TNS3: variants seen among roughly 807,000 people sequenced by gnomAD.
The protein encoded by TNS3 is tensin 3, also known as tensin-3.
Under a neutral mutation model 140.9 loss-of-function variants are expected in TNS3, and 45 were observed. The ratio of observed to expected loss-of-function variants is 0.32; its 90% CI spans 0.25 to 0.41. The LOEUF (loss-of-function observed/expected upper bound fraction) is 0.41, where lower values mean the gene tolerates loss of function less well. Ranked by LOEUF, TNS3 falls within the 10% of genes least tolerant of loss-of-function variation. The pLI is 1.00. For synonymous variants in TNS3, 815 were observed against 788.4 expected (o/e 1.03, Z -0.56); for missense variants, 1,716 against 1,906.7 (o/e 0.90, Z 1.86).
At chr7:47,331,220 T>C (rs770308478) in intron 20 of TNS3, among the ~76,000 whole-genome samples, 1 of 152,190 alleles carries the variant, frequency 6.6e-6, no homozygotes, top group Non-Finnish European at 1.5e-5. Context: ...AGCAACAGGC[T>C]CTGCCCCAAT....
At chr7:47,582,202 C>G (rs1341503651), upstream of TNS3, 1 of 151,800 alleles carries the variant, frequency 6.6e-6, no homozygotes, top group African/African-American at 2.4e-5. Context: ...ACGGCCGGCC[C>G]CCGCGCCCGC....
intron 1 of TNS3, among the ~76,000 whole-genome samples, chr7:47,566,137 T>C (rs1042618776): frequency 2.0e-5 from 3 of 152,232 alleles, no homozygotes; most frequent in African/African-American, 2.4e-5. Flanking sequence ...AGAACTGGCA[T>C]TCCTAACAGT....
At chr7:47,572,598 G>C (rs1024929508) in intron 1 of TNS3, among the ~76,000 whole-genome samples, 3 of 152,288 alleles carry the variant, frequency 2.0e-5, no homozygotes, top group Middle Eastern at 3.4e-3. Flanking sequence ...ACACATGATC[G>C]GGTGCAGTGG....
chr7:47,370,611 A>G (rs960527251), intron 16 of TNS3, among the ~76,000 whole-genome samples: 1 of 152,190 alleles, frequency 6.6e-6, no homozygotes. Flanking sequence ...AATTGCCGCG[A>G]CCACACATAG....
intron 20 of TNS3, among the ~76,000 whole-genome samples, chr7:47,337,592 A>C (rs1186300449): frequency 2.0e-5 from 3 of 152,188 alleles, no homozygotes; most frequent in Non-Finnish European, 4.4e-5. Flanking sequence ...ATTTCCTCCT[A>C]TCTCTTCTGA....
chr7:47,279,960 C>T (rs1351396970), intron 30 of TNS3: 3 of 633,856 alleles, frequency 4.7e-6, no homozygotes, highest in Non-Finnish European at 8.3e-6. Flanking sequence ...TATTGCACAT[C>T]CAGCCAACAG....
intron 13 of TNS3, among the ~76,000 whole-genome samples, chr7:47,403,004 G>A (rs1303443690): frequency 1.3e-5 from 2 of 152,208 alleles, no homozygotes; most frequent in African/African-American, 4.8e-5. Flanking sequence ...CTGGCAGGCA[G>A]GGAGTGTCCT....
chr7:47,495,045 A>C (rs1013461448), intron 3 of TNS3, among the ~76,000 whole-genome samples: 5 of 152,012 alleles, frequency 3.3e-5, no homozygotes, highest in African/African-American at 1.2e-4. Context: ...GTTTGATTAG[A>C]AACGTTCTTC....
chr7:47,414,031 G>C (rs1793934951), intron 11 of TNS3, 34 bp from the exon 12 acceptor site: 6 of 1,606,928 alleles, frequency 3.7e-6, no homozygotes, highest in African/African-American at 1.3e-5. Flanking sequence ...GTAGAGGCAT[G>C]ACCGGTACAG....
At chr7:47,308,779 G>A (rs548186826) in intron 20 of TNS3, among the ~76,000 whole-genome samples, 52 of 152,268 alleles carry the variant, frequency 3.4e-4, no homozygotes, top group African/African-American at 1.2e-3. Context: ...TTGCTCATGA[G>A]AACAGGCACT....
At chr7:47,510,165 T>C (rs182887253) in intron 2 of TNS3, among the ~76,000 whole-genome samples, 4 of 152,324 alleles carry the variant, frequency 2.6e-5, no homozygotes. Flanking sequence ...CCAGGTCTGC[T>C]TTCAGAAGCC....
intron 20 of TNS3, among the ~76,000 whole-genome samples, chr7:47,343,993 CA>C (rs1037101164): frequency 6.6e-6 from 1 of 152,220 alleles, no homozygotes. Context: ...ATGAAAGTCT[CA>C]GTCTCAGGTA....
chr7:47,516,139 T>C (rs1798771055), intron 2 of TNS3, among the ~76,000 whole-genome samples: 1 of 152,242 alleles, frequency 6.6e-6, no homozygotes, highest in Non-Finnish European at 1.5e-5. Context: ...ATATGACATA[T>C]GTGAATTATT....
intron 1 of TNS3, among the ~76,000 whole-genome samples, chr7:47,550,449 G>T (rs1477484733): frequency 6.6e-6 from 1 of 152,198 alleles, no homozygotes; most frequent in Non-Finnish European, 1.5e-5. Context: ...CTGTCCCTCT[G>T]ACCTTCACCT....
chr7:47,288,810 T>C (rs549999940), intron 27 of TNS3, among the ~76,000 whole-genome samples: 9 of 152,298 alleles, frequency 5.9e-5, no homozygotes, highest in Admixed American at 2.0e-4. Flanking sequence ...CATTTAATCT[T>C]TTCAACTGCT....
Position 47,545,793 on chromosome 7 carries a change from C to T in TNS3, c.-264-16646G>A, listed in dbSNP as rs1047672175. On this transcript the variant is annotated intron_variant, in intron 1 of 30. Coordinates refer to ENST00000311160, the MANE Select transcript of TNS3 (RefSeq NM_022748.12). ...ACATCTGGAACTGTGGGTAATGAAGCCCTAGGGGATCCCACCTGGGGGCAG... is the reference window on the plus strand; with the variant it reads ...ACATCTGGAACTGTGGGTAATGAAGTCCTAGGGGATCCCACCTGGGGGCAG... Among the ~76,000 whole-genome samples the T allele has an allele frequency of 3.9e-5, 6 of 152,334 alleles. 1 individual carries two copies. Among genetic ancestry groups the T allele is most frequent in the African/African-American group, 1.2e-4 (5 of 41,570 alleles).
intron 2 of TNS3, among the ~76,000 whole-genome samples, chr7:47,528,047 GACCAGGGTGGCCGGT>G: frequency 6.6e-6 from 1 of 152,086 alleles, no homozygotes; most frequent in Non-Finnish European, 1.5e-5. Context: ...TCTACTTAGC[GACCAGGGTGGCCGGT>G]ACCCACCACT....
intron 1 of TNS3, among the ~76,000 whole-genome samples, chr7:47,556,451 C>G (rs1800197984): frequency 6.6e-6 from 1 of 152,176 alleles, no homozygotes; most frequent in Non-Finnish European, 1.5e-5. Flanking sequence ...TCTGCCTGTC[C>G]TGGGGCCCTA....
chr7:47,317,378 A>T (rs989429830), intron 20 of TNS3, among the ~76,000 whole-genome samples: 1 of 152,254 alleles, frequency 6.6e-6, no homozygotes, highest in Non-Finnish European at 1.5e-5. Flanking sequence ...GCAATAGTTC[A>T]TTACAGTTGG....
Sources: allele counts gnomAD v4.1 joint callset (sites outside exome capture counted in the v4.1 genomes callset), GRCh38; gene constraint gnomAD v4.1.1; transcripts MANE v1.5; gene names NCBI Gene and HGNC (gene_info 2026-07-23, HGNC 2026-07-21).